ANK3: variants seen among roughly 807,000 people sequenced by gnomAD.
The protein encoded by ANK3 is ankyrin-3.
In ANK3, 57 loss-of-function variants were observed where a neutral mutation model predicts 370.9. That is an observed-to-expected ratio of 0.15 (90% CI 0.12 to 0.19). ANK3 has a LOEUF of 0.19. ANK3 is among the 10% of genes least tolerant of loss of function. The probability of loss-of-function intolerance (pLI) is 1.00; values close to 1 mark genes in which losing one functional copy is unlikely to be tolerated. For synonymous variants in ANK3, 1,929 were observed against 1,946.3 expected (o/e 0.99, Z 0.23); for missense variants, 4,439 against 5,302.1 (o/e 0.84, Z 5.06).
At chr10:60,584,974 G>T (rs2077810874) in intron 2 of ANK3, among the ~76,000 whole-genome samples, 2 of 152,144 alleles carry the variant, frequency 1.3e-5, no homozygotes, top group Admixed American at 6.5e-5. Flanking sequence ...CTCTTCCCAT[G>T]TTGGCTTCCG....
intron 2 of ANK3, among the ~76,000 whole-genome samples, chr10:60,489,437 AACTC>A (rs2075435133): frequency 6.6e-6 from 1 of 152,216 alleles, no homozygotes; most frequent in African/African-American, 2.4e-5. Flanking sequence ...TTATGAAAAT[AACTC>A]ACTCATTTTA....
chr10:60,106,528 T>C (rs2092195793), intron 27 of ANK3, among the ~76,000 whole-genome samples: 1 of 152,166 alleles, frequency 6.6e-6, no homozygotes, highest in Non-Finnish European at 1.5e-5. Context: ...AAACAATCAA[T>C]ATGTTAACGA....
At chr10:60,349,523 GA>G (rs2056437655) in intron 1 of ANK3, among the ~76,000 whole-genome samples, 1 of 147,268 alleles carries the variant, frequency 6.8e-6, no homozygotes, top group Non-Finnish European at 1.5e-5. Context: ...TTTTAAACAT[GA>G]AAAACTCCAA....
At chr10:60,141,571 T>TTTTTTTTTG (rs2094564893) in intron 23 of ANK3, among the ~76,000 whole-genome samples, 1 of 120,988 alleles carries the variant, frequency 8.3e-6, no homozygotes, top group African/African-American at 3.3e-5. Flanking sequence ...GTTTTTTTTT[T>TTTTTTTTTG]TTTTTTTTTT....
At chr10:60,198,017 G>C (rs2096614770) in intron 14 of ANK3, among the ~76,000 whole-genome samples, 1 of 152,142 alleles carries the variant, frequency 6.6e-6, no homozygotes, top group Admixed American at 6.5e-5. Flanking sequence ...TTGTGTGCTT[G>C]GCCTGAGCAT....
intron 1 of ANK3, among the ~76,000 whole-genome samples, chr10:60,653,931 T>G (rs980309795): frequency 9.2e-5 from 14 of 152,212 alleles, no homozygotes; most frequent in Non-Finnish European, 1.9e-4. Context: ...GCACTGACAC[T>G]ATAGATGAAT....
At chr10:60,383,913 CTT>C (rs1162363203) in intron 1 of ANK3, among the ~76,000 whole-genome samples, 1 of 152,168 alleles carries the variant, frequency 6.6e-6, no homozygotes, top group Non-Finnish European at 1.5e-5. Flanking sequence ...TAGTTCATGT[CTT>C]TAAAAAATCT....
chr10:60,043,472 C>T, intron 42 of ANK3: 2 of 985,104 alleles, frequency 2.0e-6, no homozygotes, highest in Non-Finnish European at 2.4e-6. Flanking sequence ...GAAAAATAAC[C>T]AGAGATGTTT....
At chr10:60,373,076 T>G (rs1003069868) in intron 1 of ANK3, among the ~76,000 whole-genome samples, 6 of 152,266 alleles carry the variant, frequency 3.9e-5, no homozygotes, top group African/African-American at 1.4e-4. Context: ...GTGATCCTCT[T>G]GCACATGCAA....
intron 2 of ANK3, among the ~76,000 whole-genome samples, chr10:60,602,822 C>A (rs1048547189): frequency 4.9e-4 from 75 of 152,218 alleles, no homozygotes; most frequent in African/African-American, 1.8e-3. Context: ...TGGTGTTAGA[C>A]CCTCTCCTAG....
chr10:60,571,088 T>C (rs901951826), intron 2 of ANK3, among the ~76,000 whole-genome samples: 5 of 142,794 alleles, frequency 3.5e-5, no homozygotes, highest in African/African-American at 1.0e-4. Context: ...CCAGTGCCAC[T>C]ATGCTAGGCA....
chr10:60,240,281 CAT>C (rs35855721), intron 7 of ANK3, among the ~76,000 whole-genome samples: 15,566 of 88,200 alleles, frequency 0.18, 1,142 homozygotes, highest in Admixed American at 0.21. Flanking sequence ...TACACACACA[CAT>C]ATATATATAT....
intron 1 of ANK3, among the ~76,000 whole-genome samples, chr10:60,304,348 T>G (rs923569104): frequency 6.6e-6 from 1 of 152,094 alleles, no homozygotes; most frequent in African/African-American, 2.4e-5. Flanking sequence ...AATGTATATG[T>G]TATCAAAACA....
At chr10:60,185,221 T>C (rs1410868266) in intron 17 of ANK3, among the ~76,000 whole-genome samples, 4 of 152,224 alleles carry the variant, frequency 2.6e-5, no homozygotes, top group Non-Finnish European at 4.4e-5. Flanking sequence ...TAAAAAAAGA[T>C]ATCCCTGGTC....
chr10:60,639,543 G>A (rs1046862439), intron 1 of ANK3, among the ~76,000 whole-genome samples: 2 of 151,504 alleles, frequency 1.3e-5, no homozygotes, highest in Non-Finnish European at 2.9e-5. Flanking sequence ...ATAACATGTA[G>A]AAGTAAAATA....
intron 6 of ANK3, among the ~76,000 whole-genome samples, chr10:60,262,933 C>T (rs2097828423): frequency 6.6e-6 from 1 of 152,156 alleles, no homozygotes; most frequent in Non-Finnish European, 1.5e-5. Context: ...TGCAGAAAGC[C>T]CTGGTAATCA....
In ANK3 at chr10:60,075,856, T is replaced by C. The variant is rs374365524; in HGVS notation, c.5025A>G (p.Leu1675=). Residue 1675 remains leucine (L), a synonymous_variant, in exon 37 of 44, where the codon TTA becomes TTG. Transcript: ENST00000280772. ...ATTTAACTGGAGACACCACTGACTT[T>C]AAAGGTGAAGATATTAGCGGTGCTG... ...TSAAPLISSP[L]KSVVSPVKSA... is the part of the protein sequence containing the mutation. The C allele has an allele frequency of 6.2e-7, 1 of 1,614,144 alleles. No homozygotes were observed.
chr10:60,092,008 C>T (rs1277691464), intron 28 of ANK3, among the ~76,000 whole-genome samples: 5 of 152,060 alleles, frequency 3.3e-5, no homozygotes, highest in South Asian at 2.1e-4. Context: ...GGATTACGGG[C>T]GTGAGCCACC....
intron 2 of ANK3, chr10:60,615,167 T>A (rs1385346539): frequency 2.0e-6 from 3 of 1,468,934 alleles, no homozygotes; most frequent in Non-Finnish European, 2.7e-6. Context: ...TTGTTGAGTT[T>A]AGTGATAATT....
Sources: gnomAD v4.1 joint callset for allele counts (sites outside exome capture counted in the v4.1 genomes callset) on GRCh38, gnomAD v4.1.1 for gene constraint, MANE v1.5 for transcripts, NCBI Gene and HGNC (gene_info 2026-07-23, HGNC 2026-07-21) for gene names.